Variants in CADM2 observed in about 807,000 individuals in gnomAD.
CADM2 encodes the protein immunoglobulin superfamily member 4D.
Under a neutral mutation model 49.8 loss-of-function variants are expected in CADM2, and 12 were observed. The observed-to-expected ratio is 0.24, with a 90% CI of 0.15 to 0.39. CADM2 has a LOEUF of 0.39. Ranked by LOEUF, CADM2 falls within the 10% of genes least tolerant of loss-of-function variation. The probability of loss-of-function intolerance (pLI) is 1.00; values close to 1 mark genes in which losing one functional copy is unlikely to be tolerated. For missense variants in CADM2, 378 were observed against 492.3 expected, an observed-to-expected ratio of 0.77 and a Z score of 2.20; for synonymous variants, 214 against 175.4, an observed-to-expected ratio of 1.22 and a Z score of -1.74.
intron 8 of CADM2, among the ~76,000 whole-genome samples, chr3:85,963,006 A>G (rs1725031489): frequency 6.6e-6 from 1 of 151,942 alleles, no homozygotes; most frequent in Non-Finnish European, 1.5e-5. Flanking sequence ...CTTTGTAAAG[A>G]GATTAATTTT....
At chr3:85,931,196 G>C (rs1720542306) in intron 6 of CADM2, among the ~76,000 whole-genome samples, 1 of 151,886 alleles carries the variant, frequency 6.6e-6, no homozygotes, top group African/African-American at 2.4e-5. Context: ...AACACAGTGA[G>C]ACTCCATCTC....
intron 1 of CADM2, among the ~76,000 whole-genome samples, chr3:85,612,244 C>T (rs1250631828): frequency 6.6e-6 from 1 of 151,782 alleles, no homozygotes; most frequent in East Asian, 1.9e-4. Context: ...ACAACAATAG[C>T]AACTAACAGT....
At chr3:85,560,550 G>A (rs1474311541) in intron 1 of CADM2, among the ~76,000 whole-genome samples, 1 of 152,234 alleles carries the variant, frequency 6.6e-6, no homozygotes, top group Non-Finnish European at 1.5e-5. Flanking sequence ...TCCACATGGA[G>A]GAAGTTGGAA....
chr3:85,707,638 A>G (rs975976652), intron 1 of CADM2, among the ~76,000 whole-genome samples: 2 of 152,142 alleles, frequency 1.3e-5, no homozygotes, highest in Non-Finnish European at 2.9e-5. Flanking sequence ...ATGTAAAAAC[A>G]CGTCAACTTT....
At chr3:85,060,517 G>A (rs529734943) in intron 1 of CADM2, among the ~76,000 whole-genome samples, 1 of 152,160 alleles carries the variant, frequency 6.6e-6, no homozygotes, top group South Asian at 2.1e-4. Context: ...CTTCCTTGGA[G>A]TTATGGTAAA....
At chr3:85,223,804 C>T (rs2042090988) in intron 1 of CADM2, among the ~76,000 whole-genome samples, 2 of 152,148 alleles carry the variant, frequency 1.3e-5, no homozygotes, top group East Asian at 1.9e-4. Flanking sequence ...TCCCTGTGTC[C>T]ATGTGTTCTT....
chr3:85,672,233 C>T (rs934080282), intron 1 of CADM2, among the ~76,000 whole-genome samples: 4 of 145,636 alleles, frequency 2.7e-5, no homozygotes, highest in African/African-American at 1.0e-4. Flanking sequence ...CGGTCTTTCG[C>T]CCAGGCCAGA....
chr3:85,482,476 A>G (rs539865835), intron 1 of CADM2, among the ~76,000 whole-genome samples: 4 of 151,842 alleles, frequency 2.6e-5, no homozygotes, highest in African/African-American at 9.6e-5. Context: ...AATCTCCTTG[A>G]CTTACTACTC....
At chr3:85,413,584 C>A (rs2035777502) in intron 1 of CADM2, among the ~76,000 whole-genome samples, 1 of 152,128 alleles carries the variant, frequency 6.6e-6, no homozygotes, top group South Asian at 2.1e-4. Context: ...GAAGGGGAAG[C>A]AGGAACGTCT....
intron 3 of CADM2, among the ~76,000 whole-genome samples, chr3:85,805,789 C>G (rs975020173): frequency 6.6e-6 from 1 of 152,128 alleles, no homozygotes; most frequent in Admixed American, 6.6e-5. Flanking sequence ...ACTTGTTTTA[C>G]TAGTGAAGAC....
At chr3:85,062,077 T>TAC (rs1287830638) in intron 1 of CADM2, among the ~76,000 whole-genome samples, 1 of 149,146 alleles carries the variant, frequency 6.7e-6, no homozygotes, top group Non-Finnish European at 1.5e-5. Context: ...CTCTCACTCA[T>TAC]ACACACACAC....
chr3:85,924,967 T>C (rs563977340), intron 6 of CADM2, among the ~76,000 whole-genome samples: 79 of 152,334 alleles, frequency 5.2e-4, no homozygotes, highest in African/African-American at 1.8e-3. Context: ...ACATTATTTC[T>C]AGATGCCTCA....
chr3:85,344,135 G>A (rs1037244969), intron 1 of CADM2, among the ~76,000 whole-genome samples: 1 of 152,024 alleles, frequency 6.6e-6, no homozygotes, highest in Non-Finnish European at 1.5e-5. Context: ...CAGAACTTTG[G>A]GGGGCCGAGG....
chr3:85,375,718 A>C (rs556887039), intron 1 of CADM2, among the ~76,000 whole-genome samples: 1 of 152,188 alleles, frequency 6.6e-6, no homozygotes, highest in Non-Finnish European at 1.5e-5. Flanking sequence ...AAATTAATGT[A>C]CAAAGTGTTC....
intron 3 of CADM2, among the ~76,000 whole-genome samples, chr3:85,833,088 T>C (rs535487401): frequency 1.3e-5 from 2 of 152,010 alleles, no homozygotes; most frequent in Non-Finnish European, 2.9e-5. Context: ...ATAATTTTGT[T>C]TTAAATTCAG....
intron 1 of CADM2, among the ~76,000 whole-genome samples, chr3:85,450,957 T>C (rs897817963): frequency 1.3e-5 from 2 of 152,110 alleles, no homozygotes; most frequent in Admixed American, 6.6e-5. Context: ...CAGTTTTAAA[T>C]ATTAAATGAG....
At chr3:85,561,321 G>A (rs1466368773) in intron 1 of CADM2, among the ~76,000 whole-genome samples, 4 of 152,024 alleles carry the variant, frequency 2.6e-5, no homozygotes, top group Admixed American at 2.6e-4. Context: ...AATAAGAATA[G>A]CAAATTAAGT....
At chr3:85,619,375 G>A (rs2063902762) in intron 1 of CADM2, among the ~76,000 whole-genome samples, 1 of 151,498 alleles carries the variant, frequency 6.6e-6, no homozygotes, top group African/African-American at 2.4e-5. Flanking sequence ...GAAATGGGGG[G>A]ACAGAATGAA....
chr3:85,182,524 G>T (rs895284242), intron 1 of CADM2, among the ~76,000 whole-genome samples: 5 of 152,020 alleles, frequency 3.3e-5, no homozygotes, highest in Non-Finnish European at 5.9e-5. Flanking sequence ...CTTCAAAAGT[G>T]TTGATGACAA....
Sources: gnomAD v4.1 joint callset for allele counts (sites outside exome capture counted in the v4.1 genomes callset) on GRCh38, gnomAD v4.1.1 for gene constraint, MANE v1.5 for transcripts, NCBI Gene and HGNC (gene_info 2026-07-23, HGNC 2026-07-21) for gene names.